Variants in TPPP observed in about 807,000 individuals in gnomAD.
TPPP encodes tubulin polymerization promoting protein.
A neutral mutation model predicts 15.5 loss-of-function variants in TPPP; 6 were observed. That is an observed-to-expected ratio of 0.39 (90% CI 0.21 to 0.77). The LOEUF (loss-of-function observed/expected upper bound fraction) is 0.77, where lower values mean the gene tolerates loss of function less well. Ranked by LOEUF, TPPP falls within the 30% of genes least tolerant of loss-of-function variation. TPPP has a pLI of 0.42. For synonymous variants in TPPP, 146 were observed against 133.9 expected, an observed-to-expected ratio of 1.09 and a Z score of -0.63; for missense variants, 269 against 307.2, an observed-to-expected ratio of 0.88 and a Z score of 0.93.
chr5:694,333 C>T (rs1285325087), upstream of TPPP, among the ~76,000 whole-genome samples: 1 of 143,366 alleles, frequency 7.0e-6, no homozygotes, highest in Non-Finnish European at 1.6e-5. Flanking sequence ...CGAGGCGCAG[C>T]CCCCCAGGAG....
In TPPP at chr5:679,742, C is replaced by T. The variant is rs1384463119; in HGVS notation, c.-4-1678G>A. ...CATCTCCTGTGGGGACGCGCCTGAACAGAGACCCTTATTCACACACCTCAG... is the reference window on the plus strand; with the variant it reads ...CATCTCCTGTGGGGACGCGCCTGAATAGAGACCCTTATTCACACACCTCAG... On this transcript the variant is annotated intron_variant, in intron 1 of 3. Transcript: ENST00000360578. Among the ~76,000 whole-genome samples the T allele has an allele frequency of 1.3e-4, 20 of 152,160 alleles. No homozygotes were observed. In the East Asian group the frequency reaches 3.7e-3, roughly 28 times the overall value.
intron 2 of TPPP, among the ~76,000 whole-genome samples, chr5:670,492 C>T (rs1163279987): frequency 6.6e-6 from 1 of 152,120 alleles, no homozygotes; most frequent in African/African-American, 2.4e-5. Flanking sequence ...GCACCAACCT[C>T]TGGGATCTTC....
At chr5:682,533 G>A in intron 1 of TPPP, among the ~76,000 whole-genome samples, 1 of 148,530 alleles carries the variant, frequency 6.7e-6, no homozygotes, top group East Asian at 2.0e-4. Context: ...CTTGGGCCTG[G>A]AGCCTATTAC....
rs1341890850 is a variant in TPPP, at chr5:660,935, C to G, written c.*4167G>C. ...CCAGCCCAACTCCACCATCTGCGCCCAAACTTGGACAGGATATTAGAAGGT... is the reference window on the plus strand; with the variant it reads ...CCAGCCCAACTCCACCATCTGCGCCGAAACTTGGACAGGATATTAGAAGGT... On this transcript the variant is annotated 3_prime_UTR_variant, in exon 4 of 4. Transcript: ENST00000360578. The G allele has an allele frequency of 6.6e-6, 1 of 152,254 alleles. No individual in the cohort carries two copies. 9.4% of individuals were successfully genotyped at this position (152,254 alleles called of 1,614,324 possible). A position where few individuals can be genotyped will look rare whatever the true frequency, so the allele number is the denominator to read the frequency against.
intron 2 of TPPP, among the ~76,000 whole-genome samples, chr5:676,987 G>A (rs1443484178): frequency 8.8e-6 from 1 of 113,042 alleles, no homozygotes; most frequent in African/African-American, 2.9e-5. Flanking sequence ...ACACGACGCA[G>A]AAACGCGCAC....
chr5:668,200 G>A (rs1386401607), intron 2 of TPPP, among the ~76,000 whole-genome samples: 16 of 124,532 alleles, frequency 1.3e-4, no homozygotes, highest in African/African-American at 4.5e-4. Flanking sequence ...CGCCGTCAGG[G>A]AAGTACCGAC....
chr5:688,945 C>G (rs1475714359), intron 1 of TPPP, among the ~76,000 whole-genome samples: 3 of 113,052 alleles, frequency 2.7e-5, no homozygotes, highest in African/African-American at 8.6e-5. Context: ...GGGGGAGGGG[C>G]TGGGTCAGGT....
chr5:675,188 G>A (rs2458821), intron 2 of TPPP, among the ~76,000 whole-genome samples: 37,706 of 62,734 alleles, frequency 0.6, 12,960 homozygotes, highest in African/African-American at 0.89. Flanking sequence ...TGGAGGGTAC[G>A]GTGTGGCCAG....
chr5:697,090 G>A (rs546578401), upstream of TPPP, among the ~76,000 whole-genome samples: 136 of 150,236 alleles, frequency 9.1e-4, no homozygotes, highest in Non-Finnish European at 1.8e-3. Flanking sequence ...GCCTGTGTGT[G>A]TTTGGGCTGT....
intron 2 of TPPP, among the ~76,000 whole-genome samples, chr5:671,686 C>A (rs547635518): frequency 1.3e-5 from 2 of 152,240 alleles, no homozygotes; most frequent in Non-Finnish European, 2.9e-5. Flanking sequence ...CAGCCACAGA[C>A]GTCCATGGCC....
At chr5:680,177 C>A (rs583260) in intron 1 of TPPP, among the ~76,000 whole-genome samples, 22,309 of 87,084 alleles carry the variant, frequency 0.26, 927 homozygotes, top group African/African-American at 0.4. Context: ...GCAGGCACCA[C>A]CTGTGCTAGG....
rs1284619208 is a variant in TPPP at position 665,157 on chromosome 5, A to G, written c.605T>C (p.Val202Ala). 4 of 1,613,326 alleles carry G rather than the reference A, an allele frequency of 2.5e-6. No homozygotes were observed. The highest frequency in any genetic ancestry group is 3.4e-6 in the Non-Finnish European group (4 of 1,179,978). Residue 202 changes from valine (V) to alanine (A), a missense_variant, in exon 4 of 4, where the codon GTG (valine) becomes GCG (alanine). Coordinates refer to ENST00000360578, the MANE Select transcript of TPPP (RefSeq NM_007030.3). ...GGTGCCTGCGTGCTTGTAGCCGGACACATAGCCTGACTCGTCCACCAGATC... is the reference window on the plus strand; with the variant it reads ...GGTGCCTGCGTGCTTGTAGCCGGACGCATAGCCTGACTCGTCCACCAGATC... ...RVDLVDESGYVSGYKHAGTYD... is the reference protein window; with the variant it reads ...RVDLVDESGYASGYKHAGTYD...
At chr5:686,690 G>A (rs976765407) in intron 1 of TPPP, among the ~76,000 whole-genome samples, 6 of 147,148 alleles carry the variant, frequency 4.1e-5, no homozygotes, top group African/African-American at 1.5e-4. Context: ...AAATCCAATG[G>A]TGAGTGTCTC....
rs1739621467 is a variant in TPPP at position 661,791 on chromosome 5, T to G, written c.*3311A>C. On this transcript the variant is annotated 3_prime_UTR_variant, in exon 4 of 4. Transcript: ENST00000360578. ...GTGACTTTATTTTTGCTACCCCTCC[T>G]GGCTAGGTGACAGAGATGGGAGCCG... 6.6e-6 allele frequency: 1 copy of G among 152,406 alleles called. No individual in the cohort carries two copies. Among genetic ancestry groups the G allele is most frequent in the East Asian group, 1.9e-4 (1 of 5,340 alleles). The allele number at this position is 152,406 out of a possible 1,614,324, so 9.4% of individuals were successfully genotyped here. A position where few individuals can be genotyped will look rare whatever the true frequency, so the allele number is the denominator to read the frequency against.
chr5:668,218 CA>C (rs1740019689), intron 2 of TPPP, among the ~76,000 whole-genome samples: 3 of 101,186 alleles, frequency 3.0e-5, no homozygotes, highest in African/African-American at 8.2e-5. Flanking sequence ...GACAAGCACA[CA>C]GAGAGGGGGC....
At chr5:677,583 T>A (rs1463570013) in intron 2 of TPPP, among the ~76,000 whole-genome samples, 167 bp downstream of exon 2, 6 of 151,798 alleles carry the variant, frequency 4.0e-5, no homozygotes, top group Non-Finnish European at 8.8e-5. Flanking sequence ...GGGGCCCAGA[T>A]GGCACGTTCA....
intron 2 of TPPP, chr5:676,626 G>A (rs528345869): frequency 1.3e-5 from 2 of 152,378 alleles, no homozygotes; most frequent in African/African-American, 2.4e-5. Flanking sequence ...ACGGGGCTCA[G>A]GGAGAACCGC....
chr5:699,909 A>C, the TPPP span, among the ~76,000 whole-genome samples: 102,535 of 143,854 alleles, frequency 0.71, 34,094 homozygotes, highest in African/African-American at 0.79. Flanking sequence ...CATCTTAGAC[A>C]AGTCAGAATG....
Position 665,101 on chromosome 5 carries a change from G to A in TPPP, c.*1C>T, listed in dbSNP as rs772899254. ...CAGTGCCGCGAGGCATGGAGCGGGG[G>A]CTACTTGCCCCCTTGCACCTTCTGG... On this transcript the variant is annotated 3_prime_UTR_variant, in exon 4 of 4. Coordinates refer to ENST00000360578, the MANE Select transcript of TPPP (RefSeq NM_007030.3). The A allele has an allele frequency of 6.2e-7, 1 of 1,608,910 alleles. No individual in the cohort carries two copies. Among genetic ancestry groups the A allele is most frequent in the Admixed American group, 1.7e-5 (1 of 59,984 alleles).
Sources: allele counts gnomAD v4.1 joint callset (sites outside exome capture counted in the v4.1 genomes callset), GRCh38; gene constraint gnomAD v4.1.1; transcripts MANE v1.5; gene names NCBI Gene and HGNC (gene_info 2026-07-23, HGNC 2026-07-21).